SGCD: variants seen among roughly 807,000 people sequenced by gnomAD.
SGCD encodes sarcoglycan delta.
Under a neutral mutation model 36.6 loss-of-function variants are expected in SGCD, and 18 were observed. The ratio of observed to expected loss-of-function variants is 0.49; its 90% CI spans 0.34 to 0.73. The LOEUF is 0.73. Among genes scored for constraint, SGCD ranks in the 30% least tolerant of loss-of-function variants. SGCD has a pLI of 0.01. For missense variants in SGCD, 387 were observed against 346.7 expected, an observed-to-expected ratio of 1.12 and a Z score of -0.92; for synonymous variants, 133 against 130.6, an observed-to-expected ratio of 1.02 and a Z score of -0.12.
chr5:155,854,597 G>T, the SGCD span, among the ~76,000 whole-genome samples: 1 of 152,014 alleles, frequency 6.6e-6, no homozygotes, highest in African/African-American at 2.4e-5. Flanking sequence ...CTGCTATTAA[G>T]AACAAAACAA....
At chr5:155,764,721 A>AAGTGAG in the SGCD span, among the ~76,000 whole-genome samples, 3 of 152,082 alleles carry the variant, frequency 2.0e-5, no homozygotes, top group Non-Finnish European at 2.9e-5. Flanking sequence ...CAGTACATGG[A>AAGTGAG]AGTGAGTGTT....
intron 1 of SGCD, among the ~76,000 whole-genome samples, chr5:156,112,823 G>A (rs1447206452): frequency 6.6e-6 from 1 of 152,122 alleles, no homozygotes; most frequent in Non-Finnish European, 1.5e-5. Flanking sequence ...GAGGTGATGA[G>A]GCTGTTCCAT....
intron 3 of SGCD, among the ~76,000 whole-genome samples, chr5:156,273,843 G>A (rs1002667412): frequency 5.3e-5 from 8 of 152,198 alleles, no homozygotes; most frequent in African/African-American, 1.9e-4. Flanking sequence ...GGTAGCTTGA[G>A]AAATAACTGC....
chr5:156,277,078 C>T (rs1766336956), intron 3 of SGCD, among the ~76,000 whole-genome samples: 1 of 152,136 alleles, frequency 6.6e-6, no homozygotes, highest in African/African-American at 2.4e-5. Flanking sequence ...ATGTAAGGCC[C>T]TGCCAGACTG....
At chr5:156,089,284 C>T (rs1287863918) in intron 1 of SGCD, among the ~76,000 whole-genome samples, 6 of 152,322 alleles carry the variant, frequency 3.9e-5, no homozygotes, top group Admixed American at 2.6e-4. Flanking sequence ...AAAATCTTAT[C>T]CCAACTCAGA....
intron 1 of SGCD, among the ~76,000 whole-genome samples, chr5:156,004,297 T>C (rs1425383583): frequency 6.6e-6 from 1 of 152,218 alleles, no homozygotes; most frequent in East Asian, 1.9e-4. Flanking sequence ...ATTTGTAACA[T>C]GCTTCTTTCT....
intron 3 of SGCD, among the ~76,000 whole-genome samples, chr5:156,222,221 G>T (rs2127646320): frequency 6.6e-6 from 1 of 152,182 alleles, no homozygotes; most frequent in East Asian, 1.9e-4. Flanking sequence ...AGTAGAAGAA[G>T]TTCCCATGAG....
At chr5:156,477,722 G>A (rs548101905) in intron 3 of SGCD, among the ~76,000 whole-genome samples, 1 of 148,050 alleles carries the variant, frequency 6.8e-6, no homozygotes, top group East Asian at 2.0e-4. Flanking sequence ...CAAGGTCATA[G>A]GCACTTCTTC....
rs541995322 is a variant in SGCD at position 155,968,528 on chromosome 5, G to T, written c.-282+98104G>T. 3.9e-5 allele frequency among the ~76,000 whole-genome samples: 6 copies of T among 152,162 alleles called. No individual in the cohort carries two copies. The South Asian group carries it at 1.2e-3, about 32-fold the overall frequency. ...CATATAACTTTTATTACAGTCTATT[G>T]TTGCAGTTATTCTTTTATTAATTAT... On this transcript the variant is annotated intron_variant, in intron 1 of 9. Coordinates refer to the SGCD transcript ENST00000517913.
At chr5:156,330,274 C>A (rs942917674) in intron 2 of SGCD, among the ~76,000 whole-genome samples, 13 of 152,118 alleles carry the variant, frequency 8.5e-5, no homozygotes, top group African/African-American at 3.1e-4. Flanking sequence ...AGAAACACTT[C>A]TGGTTTCAAG....
At chr5:156,739,728 G>A (rs172240) in intron 7 of SGCD, 135,739 of 152,282 alleles carry the variant, frequency 0.89, 60,593 homozygotes, top group African/African-American at 0.94. Flanking sequence ...CTTTTAAACA[G>A]TCAGAACCAT....
At position 156,053,449 on chromosome 5, in the gene SGCD, G is replaced by A. The variant is rs559486635; in HGVS notation, c.-281-64429G>A. On this transcript the variant is annotated intron_variant, in intron 1 of 9. Coordinates refer to the SGCD transcript ENST00000517913. ...GGGGGTGAGAGGCAGGACTACATGT[G>A]AGCCAAACTCCAAGCACTCAGTATG... Among the ~76,000 whole-genome samples, 123 of 146,304 alleles carry A rather than the reference G, an allele frequency of 8.4e-4. 9 individuals carry two copies. In the South Asian group the frequency reaches 8.6e-3, roughly 10 times the overall value.
intron 7 of SGCD, among the ~76,000 whole-genome samples, chr5:156,692,216 C>T (rs1156291055): frequency 6.6e-6 from 1 of 152,222 alleles, no homozygotes; most frequent in Non-Finnish European, 1.5e-5. Flanking sequence ...TGACCTTCCT[C>T]ATTTATAAGA....
intron 1 of SGCD, among the ~76,000 whole-genome samples, chr5:155,917,347 C>A (rs569647619): frequency 1.3e-5 from 2 of 152,194 alleles, no homozygotes; most frequent in Non-Finnish European, 2.9e-5. Context: ...TATATTCTGA[C>A]CTGATAGAAC....
chr5:156,309,693 G>T (rs1199609118), intron 3 of SGCD, among the ~76,000 whole-genome samples: 1 of 147,488 alleles, frequency 6.8e-6, no homozygotes, highest in Non-Finnish European at 1.5e-5. Flanking sequence ...TCACTATGTT[G>T]GTCAGACTGG....
chr5:156,398,627 G>T (rs1771987294), intron 3 of SGCD, among the ~76,000 whole-genome samples: 1 of 152,148 alleles, frequency 6.6e-6, no homozygotes, highest in Non-Finnish European at 1.5e-5. Context: ...AGCCTCTCTT[G>T]CATTCAGATG....
At chr5:156,281,694 G>A (rs552902601) in intron 3 of SGCD, among the ~76,000 whole-genome samples, 2 of 152,254 alleles carry the variant, frequency 1.3e-5, no homozygotes, top group African/African-American at 4.8e-5. Context: ...AATATCAGGT[G>A]TAAATAATAA....
At chr5:156,698,700 A>G (rs1167559188) in intron 7 of SGCD, among the ~76,000 whole-genome samples, 1 of 152,186 alleles carries the variant, frequency 6.6e-6, no homozygotes, top group Non-Finnish European at 1.5e-5. Flanking sequence ...GAGACATACC[A>G]GCCCTGGAGT....
chr5:156,185,537 G>A (rs934506292), intron 3 of SGCD, among the ~76,000 whole-genome samples: 2 of 151,620 alleles, frequency 1.3e-5, no homozygotes, highest in African/African-American at 2.4e-5. Flanking sequence ...TTAATCCTCT[G>A]TATCCCCCTC....
Sources: gnomAD v4.1 joint callset for allele counts (sites outside exome capture counted in the v4.1 genomes callset) on GRCh38, gnomAD v4.1.1 for gene constraint, MANE v1.5 for transcripts, NCBI Gene and HGNC (gene_info 2026-07-23, HGNC 2026-07-21) for gene names.